The following ARHGAP36 variants were observed in gnomAD, a reference collection of about 807,000 sequenced individuals.
ARHGAP36 encodes rho GTPase-activating protein 36.
In ARHGAP36, 7 loss-of-function variants were observed where a neutral mutation model predicts 32.9. The observed-to-expected ratio is 0.21, with a 90% CI of 0.12 to 0.40. ARHGAP36 has a LOEUF of 0.40. Among genes scored for constraint, ARHGAP36 ranks in the 10% least tolerant of loss-of-function variants. The pLI, the probability that ARHGAP36 is intolerant of heterozygous loss-of-function variation, is 1.00. For synonymous variants in ARHGAP36, 165 were observed against 168.3 expected, an observed-to-expected ratio of 0.98 and a Z score of 0.15; for missense variants, 383 against 442.2, an observed-to-expected ratio of 0.87 and a Z score of 1.20.
chrX:131,083,289 T>A (rs2079815308), intron 3 of ARHGAP36, 59 bp downstream of exon 3: 7 of 1,108,032 alleles, frequency 6.3e-6, no homozygotes, highest in Non-Finnish European at 8.6e-6. Flanking sequence ...CCCTGTGTAG[T>A]GTGGCCCTGG....
At chrX:131,069,445 G>A (rs1038636910) in intron 1 of ARHGAP36, among the ~76,000 whole-genome samples, 1 of 112,007 alleles carries the variant, frequency 8.9e-6, no homozygotes, top group African/African-American at 3.3e-5. Context: ...CGGGGTAGTT[G>A]TGAGGCTTAG....
intron 11 of ARHGAP36, among the ~76,000 whole-genome samples, chrX:131,087,200 A>G (rs993152108): frequency 9.0e-6 from 1 of 111,464 alleles, no homozygotes; most frequent in Non-Finnish European, 1.9e-5. Context: ...ATCCCAAACA[A>G]TGAAATCCCA....
At chrX:131,076,949 A>G (rs2079766026) in intron 1 of ARHGAP36, among the ~76,000 whole-genome samples, 1 of 112,395 alleles carries the variant, frequency 8.9e-6, no homozygotes, top group Non-Finnish European at 1.9e-5. Context: ...ACCTTCTGCT[A>G]TAACATGATG....
chrX:131,077,383 T>C (rs1286974921), intron 1 of ARHGAP36, among the ~76,000 whole-genome samples: 2 of 111,749 alleles, frequency 1.8e-5, no homozygotes, highest in Non-Finnish European at 3.8e-5. Flanking sequence ...TTTATAAGGA[T>C]TTAAACCATG....
chrX:131,061,199 A>AT (rs67823962), intron 1 of ARHGAP36, among the ~76,000 whole-genome samples: 41 of 102,305 alleles, frequency 4.0e-4, no homozygotes, highest in South Asian at 2.2e-3. Flanking sequence ...GATGTTTGCT[A>AT]TTTTTTTTTT....
intron 2 of ARHGAP36, among the ~76,000 whole-genome samples, 174 bp from the exon 3 acceptor site, chrX:131,082,991 T>C (rs1386415815): frequency 8.8e-6 from 1 of 113,069 alleles, no homozygotes; most frequent in Non-Finnish European, 1.9e-5. Flanking sequence ...GGCTTGTCCT[T>C]GTTGTTAGGT....
intron 1 of ARHGAP36, among the ~76,000 whole-genome samples, chrX:131,063,144 C>T (rs907288412): frequency 8.9e-6 from 1 of 111,946 alleles, no homozygotes; most frequent in South Asian, 3.8e-4. Context: ...CACTAAGAAA[C>T]GATTTCTGTT....
intron 1 of ARHGAP36, among the ~76,000 whole-genome samples, chrX:131,070,115 T>G (rs143386661): frequency 8.9e-6 from 1 of 112,301 alleles, no homozygotes; most frequent in Admixed American, 9.4e-5. Flanking sequence ...AGTTATTCCA[T>G]TGGACAAAGA....
At chrX:131,066,098 GCT>G (rs760931643) in intron 1 of ARHGAP36, among the ~76,000 whole-genome samples, 29 of 112,171 alleles carry the variant, frequency 2.6e-4, no homozygotes, top group Admixed American at 6.6e-4. Context: ...AGATGAGGCT[GCT>G]TGGAAGGCAT....
Position 131,081,700 on chromosome X carries a change from G to A in ARHGAP36, c.35G>A (p.Arg12Lys). The change falls in exon 2 of 12, where the codon AGG (arginine) becomes AAG (lysine). Residue 12 changes from arginine (R) to lysine (K), a missense_variant. Coordinates refer to ENST00000276211, the MANE Select transcript of ARHGAP36 (RefSeq NM_144967.4). ...TGCATTCCTTTTCTGAAGGCAGCAAGGGCACTGTGCCCCAGAATCATGCCC... is the reference window on the plus strand; with the variant it reads ...TGCATTCCTTTTCTGAAGGCAGCAAAGGCACTGTGCCCCAGAATCATGCCC... ...GGCIPFLKAARALCPRIMPPL... is the reference protein window; with the variant it reads ...GGCIPFLKAAKALCPRIMPPL... The A allele has an allele frequency of 8.3e-7, 1 of 1,210,862 alleles. No individual in the cohort carries two copies. The highest frequency in any genetic ancestry group is 1.1e-6 in the Non-Finnish European group (1 of 895,380).
chrX:131,088,477 T>A, intron 11 of ARHGAP36, 151 bp from the exon 12 acceptor site: 1 of 521,124 alleles, frequency 1.9e-6, no homozygotes, highest in Non-Finnish European at 3.0e-6. Flanking sequence ...GGCTGTAGTA[T>A]TCTTATATGT....
chrX:131,063,058 T>G (rs1189965659), intron 1 of ARHGAP36, among the ~76,000 whole-genome samples: 1 of 112,442 alleles, frequency 8.9e-6, no homozygotes, highest in Non-Finnish European at 1.9e-5. Context: ...ATAAATTTCT[T>G]TCTGTGAAAA....
chrX:131,071,917 A>T (rs1486249528), intron 1 of ARHGAP36, among the ~76,000 whole-genome samples: 5 of 111,922 alleles, frequency 4.5e-5, no homozygotes. Flanking sequence ...TGTATTTGAA[A>T]TTCTCCCACT....
chrX:131,071,520 G>A (rs1408564697), intron 1 of ARHGAP36, among the ~76,000 whole-genome samples: 1 of 111,779 alleles, frequency 8.9e-6, no homozygotes, highest in Non-Finnish European at 1.9e-5. Context: ...CACCACCAGT[G>A]CTGCTTAGAG....
chrX:131,073,855 T>C (rs1055875891), intron 1 of ARHGAP36, among the ~76,000 whole-genome samples: 9 of 110,929 alleles, frequency 8.1e-5, no homozygotes, highest in African/African-American at 2.0e-4. Flanking sequence ...GATGGATGGA[T>C]AGACAGACAG....
At chrX:131,059,490 G>A (rs1603391978) in intron 1 of ARHGAP36, among the ~76,000 whole-genome samples, 1 of 111,171 alleles carries the variant, frequency 9.0e-6, no homozygotes, top group Admixed American at 9.5e-5. Flanking sequence ...CACAGGCGGG[G>A]GAGGGGAAGC....
Position 131,084,417 on chromosome X carries a change from C to A in ARHGAP36, c.748+10C>A, listed in dbSNP as rs767631022. ...TTCATTGAAAAACATGGTAAGGGAG[C>A]TGCAAATGGGTAAATCAAGGAAGGA... On this transcript the variant is annotated intron_variant, in intron 5 of 11. Coordinates refer to ENST00000276211, the MANE Select transcript of ARHGAP36 (RefSeq NM_144967.4). 2.5e-6 allele frequency: 3 copies of A among 1,195,812 alleles called. No homozygotes were observed. The African/African-American group carries it at 5.3e-5, about 21-fold the overall frequency.
In ARHGAP36 at chrX:131,082,992, G is replaced by T. The variant is rs780005787; in HGVS notation, c.254-173G>T. Among the ~76,000 whole-genome samples the T allele has an allele frequency of 4.4e-5, 5 of 113,277 alleles. 1 individual carries two copies. Among genetic ancestry groups the T allele is most frequent in the Middle Eastern group, 4.6e-3 (1 of 218 alleles). On this transcript the variant is annotated intron_variant, in intron 2 of 11. Coordinates refer to ENST00000276211, the MANE Select transcript of ARHGAP36 (RefSeq NM_144967.4). ...ATAAGAGTGAGATAGGCTTGTCCTT[G>T]TTGTTAGGTGGGGAAACTGAGGCTC... is the stretch of plus-strand genomic sequence containing the variant.
chrX:131,078,911 A>T (rs370319929), intron 1 of ARHGAP36, among the ~76,000 whole-genome samples: 31 of 111,655 alleles, frequency 2.8e-4, no homozygotes, highest in African/African-American at 9.8e-4. Context: ...CATCTCTCAA[A>T]GGCTTTTCTC....
Sources: gnomAD v4.1 joint callset for allele counts (sites outside exome capture counted in the v4.1 genomes callset) on GRCh38, gnomAD v4.1.1 for gene constraint, MANE v1.5 for transcripts, NCBI Gene and HGNC (gene_info 2026-07-23, HGNC 2026-07-21) for gene names.